Variants in NOMO2 observed in about 807,000 individuals in gnomAD.
NOMO2 encodes the protein NODAL modulator 2.
Under a neutral mutation model 67.1 loss-of-function variants are expected in NOMO2, and 14 were observed. The observed-to-expected ratio is 0.21, with a 90% CI of 0.14 to 0.33. The LOEUF is 0.33. Among genes scored for constraint, NOMO2 ranks in the 10% least tolerant of loss-of-function variants. NOMO2 has a pLI of 1.00. For missense variants in NOMO2, 178 were observed against 761.0 expected (o/e 0.23, Z 9.01); for synonymous variants, 80 against 305.9 (o/e 0.26, Z 7.71).
intron 20 of NOMO2, among the ~76,000 whole-genome samples, 185 bp downstream of exon 20, chr16:18,520,412 C>T (rs892727695): frequency 6.7e-6 from 1 of 148,952 alleles, no homozygotes; most frequent in African/African-American, 2.5e-5. Context: ...CCATCCAACC[C>T]AACCATCCAT....
At chr16:18,526,411 C>A (rs573288927) in intron 16 of NOMO2, among the ~76,000 whole-genome samples, 13 of 152,156 alleles carry the variant, frequency 8.5e-5, no homozygotes, top group Admixed American at 2.0e-4. Flanking sequence ...CAATTCCATT[C>A]CTAGGTATCG....
intron 9 of NOMO2, among the ~76,000 whole-genome samples, chr16:18,539,832 G>A (rs1901508587): frequency 6.6e-6 from 1 of 152,028 alleles, no homozygotes; most frequent in South Asian, 2.1e-4. Context: ...ATGTGTCTGT[G>A]TCTGTGTCTG....
At chr16:18,526,060 C>T (rs1181547221) in intron 16 of NOMO2, among the ~76,000 whole-genome samples, 1 of 151,846 alleles carries the variant, frequency 6.6e-6, no homozygotes, top group Non-Finnish European at 1.5e-5. Flanking sequence ...TGAACTGACA[C>T]CCAGAAGGAC....
chr16:18,536,116 C>A (rs527507851), intron 11 of NOMO2, among the ~76,000 whole-genome samples: 180 of 152,166 alleles, frequency 1.2e-3, no homozygotes, highest in African/African-American at 4.2e-3. Context: ...CAACTCCTAA[C>A]GGGTTTCCAC....
In NOMO2 at chr16:18,534,353, T is replaced by A. The variant is rs200637713; in HGVS notation, c.1221-1174A>T. 1.3e-4 allele frequency among the ~76,000 whole-genome samples: 17 copies of A among 130,532 alleles called. No individual in the cohort carries two copies. In the East Asian group the frequency reaches 1.4e-3, roughly 11 times the overall value. 85.6% of individuals were successfully genotyped at this position (130,532 alleles called of 152,430 possible). A position where few individuals can be genotyped will look rare whatever the true frequency, so the allele number is the denominator to read the frequency against. ...AGTGGTTAAAGTTAAAAAAAAAAAATCAAAAGAAAGATAATATTTCACATG... is the reference window on the plus strand; with the variant it reads ...AGTGGTTAAAGTTAAAAAAAAAAAAACAAAAGAAAGATAATATTTCACATG... On this transcript the variant is annotated intron_variant, in intron 11 of 30. Coordinates refer to ENST00000622306, the MANE Select transcript of NOMO2 (RefSeq NM_173614.4).
rs546685660 is a variant in NOMO2, at chr16:18,534,460, C to A, written c.1221-1281G>T. Among the ~76,000 whole-genome samples, 49 of 137,248 alleles carry A rather than the reference C, an allele frequency of 3.6e-4. No homozygotes were observed. In the South Asian group the frequency reaches 9.3e-3, roughly 26 times the overall value. The allele number at this position is 137,248 out of a possible 152,430, so 90.0% of individuals were successfully genotyped here. On this transcript the variant is annotated intron_variant, in intron 11 of 30. Coordinates refer to ENST00000622306, the MANE Select transcript of NOMO2 (RefSeq NM_173614.4). ...TGCCCATTCATTTACAAATGTCTATCTCAGCTGTTGTCCTAGAGACCGTAT... is the reference window on the plus strand; with the variant it reads ...TGCCCATTCATTTACAAATGTCTATATCAGCTGTTGTCCTAGAGACCGTAT...
chr16:18,561,402 G>A (rs555510405), intron 1 of NOMO2, among the ~76,000 whole-genome samples: 2,132 of 149,770 alleles, frequency 0.014, 55 homozygotes, highest in African/African-American at 0.05. Context: ...TCATGCCGCG[G>A]GGTTTGGAGG....
In NOMO2 at chr16:18,561,968, C is replaced by T; in HGVS notation, c.73G>A (p.Gly25Ser). The T allele has an allele frequency of 6.4e-7, 1 of 1,567,798 alleles. No homozygotes were observed. Among genetic ancestry groups the T allele is most frequent in the Non-Finnish European group, 8.6e-7 (1 of 1,158,392 alleles). ...VTAAVVLLLS[G>S]VGPAHGSEDI... Reference sequence around the variant, plus strand: ...TCCGAGCCGTGCGCCGGCCCCACGCCGCTCAGCAGCAGCACCACCGCGGCG... The same window carrying T: ...TCCGAGCCGTGCGCCGGCCCCACGCTGCTCAGCAGCAGCACCACCGCGGCG... Residue 25 changes from glycine (G) to serine (S), a missense_variant, in exon 1 of 31, where the codon GGC becomes AGC. Coordinates refer to ENST00000622306, the MANE Select transcript of NOMO2 (RefSeq NM_173614.4).
At chr16:18,535,128 A>T (rs1489144304) in intron 11 of NOMO2, among the ~76,000 whole-genome samples, 1 of 124,328 alleles carries the variant, frequency 8.0e-6, no homozygotes, top group Non-Finnish European at 1.7e-5. Context: ...TGAGGTCAGG[A>T]GTTCGAGACC....
At chr16:18,558,803 G>T (rs746833601) in intron 1 of NOMO2, 2 of 454,008 alleles carry the variant, frequency 4.4e-6, no homozygotes, top group South Asian at 1.6e-5. Flanking sequence ...ACACAGAGCC[G>T]CTCCTTTTCA....
rs1248348637 is a variant in NOMO2 at position 18,533,838 on chromosome 16, T to C, written c.1221-659A>G. The C allele has an allele frequency of 2.0e-5, 3 of 152,084 alleles. No individual in the cohort carries two copies. In the East Asian group the frequency reaches 5.8e-4, roughly 30 times the overall value. The allele number at this position is 152,084 out of a possible 1,614,324, so 9.4% of individuals were successfully genotyped here. A position where few individuals can be genotyped will look rare whatever the true frequency, so the allele number is the denominator to read the frequency against. On this transcript the variant is annotated intron_variant, in intron 11 of 30. Coordinates refer to ENST00000622306, the MANE Select transcript of NOMO2 (RefSeq NM_173614.4). Reference sequence around the variant, plus strand: ...TTGAGATTCTAAATAAGGAGTAAGGTGTTGCAAGGCATCCCTCGAATAACA... The same window carrying C: ...TTGAGATTCTAAATAAGGAGTAAGGCGTTGCAAGGCATCCCTCGAATAACA...
Position 18,531,646 on chromosome 16 carries a change from G to A in NOMO2, c.1396-39C>T, listed in dbSNP as rs374328835. 4.8e-5 allele frequency: 77 copies of A among 1,610,794 alleles called. No individual in the cohort carries two copies. The African/African-American group carries it at 9.2e-4, about 19-fold the overall frequency. On this transcript the variant is annotated intron_variant, in intron 12 of 30. Transcript: ENST00000622306. ...GATGGAACGTTAGAGGCTGCATTCG[G>A]GGAGATCTTCCCCCTGACCTACAGG... is the stretch of plus-strand genomic sequence containing the variant.
intron 11 of NOMO2, among the ~76,000 whole-genome samples, chr16:18,534,374 A>G (rs1301370234): frequency 1.3e-5 from 2 of 150,414 alleles, no homozygotes; most frequent in Admixed American, 6.7e-5. Flanking sequence ...ATAATATTTC[A>G]CATGTAAAAA....
intron 6 of NOMO2, among the ~76,000 whole-genome samples, chr16:18,544,468 G>A (rs1425026154): frequency 6.6e-6 from 1 of 152,118 alleles, no homozygotes; most frequent in African/African-American, 2.4e-5. Flanking sequence ...TTCTCTGTAC[G>A]TGTTGCCAAG....
intron 1 of NOMO2, among the ~76,000 whole-genome samples, chr16:18,560,253 C>T (rs1438813282): frequency 1.3e-5 from 2 of 151,794 alleles, no homozygotes; most frequent in East Asian, 3.9e-4. Context: ...AATGAGTGTC[C>T]CACACCATCT....
chr16:18,541,570 G>A (rs1413456522), intron 9 of NOMO2, among the ~76,000 whole-genome samples: 12 of 149,748 alleles, frequency 8.0e-5, no homozygotes, highest in African/African-American at 2.0e-4. Flanking sequence ...AGCCAGGTGC[G>A]ATGGCTCACA....
intron 11 of NOMO2, among the ~76,000 whole-genome samples, chr16:18,535,393 A>T (rs2434756): frequency 4.9e-4 from 14 of 28,796 alleles, no homozygotes; most frequent in Admixed American, 1.3e-3. Flanking sequence ...GTCGGCCAAT[A>T]AAAAAAAGAG....
rs1901675791 is a variant in NOMO2, at chr16:18,547,309, T to TA, written c.510-10dup. On this transcript the variant is annotated splice_polypyrimidine_tract_variant and intron_variant, in intron 5 of 30. Coordinates refer to ENST00000622306, the MANE Select transcript of NOMO2 (RefSeq NM_173614.4). ...CTTTAAAAAATGCAAACCTAAGACA[T>TA]AAAAAATAACCATTTAACTTTCTCC... 1.8e-6 allele frequency: 1 copy of TA among 559,196 alleles called. No homozygotes were observed. The highest frequency in any genetic ancestry group is 2.0e-5 in the South Asian group (1 of 49,442). The allele number at this position is 559,196 out of a possible 1,614,324, so 34.6% of individuals were successfully genotyped here.
intron 11 of NOMO2, among the ~76,000 whole-genome samples, chr16:18,535,833 G>C (rs1596849894): frequency 6.6e-6 from 1 of 151,848 alleles, no homozygotes. Flanking sequence ...ATCTCACCCT[G>C]TCGGCCAGGC....
Sources: allele counts gnomAD v4.1 joint callset (sites outside exome capture counted in the v4.1 genomes callset), GRCh38; gene constraint gnomAD v4.1.1; transcripts MANE v1.5; gene names NCBI Gene and HGNC (gene_info 2026-07-23, HGNC 2026-07-21).